The following GRM4 variants were observed in gnomAD, a reference collection of about 807,000 sequenced individuals.
GRM4 encodes glutamate metabotropic receptor 4.
Under a neutral mutation model 81.7 loss-of-function variants are expected in GRM4, and 28 were observed. That is an observed-to-expected ratio of 0.34 (90% CI 0.25 to 0.47). The LOEUF (loss-of-function observed/expected upper bound fraction) is 0.47, where lower values mean the gene tolerates loss of function less well. Ranked by LOEUF, GRM4 falls within the 20% of genes least tolerant of loss-of-function variation. The pLI is 1.00. For synonymous variants in GRM4, 488 were observed against 528.8 expected (o/e 0.92, Z 1.06); for missense variants, 948 against 1,290.0 (o/e 0.73, Z 4.06).
intron 2 of GRM4, among the ~76,000 whole-genome samples, chr6:34,117,305 C>T (rs1205450876): frequency 1.3e-5 from 2 of 152,084 alleles, no homozygotes; most frequent in African/African-American, 2.4e-5. Context: ...ATGGCAGGGC[C>T]GGAGGGAGGG....
intron 1 of GRM4, among the ~76,000 whole-genome samples, chr6:34,143,711 G>T (rs943500179): frequency 2.6e-5 from 4 of 152,248 alleles, no homozygotes; most frequent in Admixed American, 1.3e-4. Flanking sequence ...AGTGTGGGCA[G>T]ATGGGTATGA....
In GRM4 at chr6:34,069,838, G is replaced by C. The variant is rs1766711154; in HGVS notation, c.737-7810C>G. On this transcript the variant is annotated intron_variant, in intron 3 of 10. Transcript: ENST00000538487. This position sits in a 1 kb window ranked among gnomAD's most constrained non-coding sequence, Gnocchi z 6.4. ...CCCCCAACAGGCCTCTGCACATGCT[G>C]CTCCCTCTGCCAGGAGCACCCCCAC... is the stretch of plus-strand genomic sequence containing the variant. Among the ~76,000 whole-genome samples, 1 of 152,110 alleles carries C rather than the reference G, an allele frequency of 6.6e-6. No individual in the cohort carries two copies. Among genetic ancestry groups the C allele is most frequent in the Non-Finnish European group, 1.5e-5 (1 of 68,018 alleles).
At chr6:34,056,448 A>G (rs1765888009) in intron 6 of GRM4, 96 bp downstream of exon 6, 3 of 1,157,926 alleles carry the variant, frequency 2.6e-6, no homozygotes, top group African/African-American at 1.5e-5. Flanking sequence ...CCGGCCGACG[A>G]CAGACAAAGG....
At chr6:34,086,729 G>A (rs548169377) in intron 3 of GRM4, among the ~76,000 whole-genome samples, 1 of 152,344 alleles carries the variant, frequency 6.6e-6, no homozygotes, top group South Asian at 2.1e-4. Context: ...CTAGCTGTGT[G>A]GCCTCATGGG....
At chr6:34,100,139 C>T (rs1561812511) in intron 2 of GRM4, 1 of 652,352 alleles carries the variant, frequency 1.5e-6, no homozygotes, top group Non-Finnish European at 1.9e-6. Flanking sequence ...GCCTGTGCTC[C>T]AGTGCAATTG....
At chr6:34,062,392 G>A (rs984771374) in intron 3 of GRM4, 1 of 218,558 alleles carries the variant, frequency 4.6e-6, no homozygotes, top group African/African-American at 2.3e-5. Context: ...GGACCTCTCT[G>A]TGATGAACAT....
intron 3 of GRM4, among the ~76,000 whole-genome samples, chr6:34,082,246 C>T (rs761495113): frequency 6.6e-6 from 1 of 152,116 alleles, no homozygotes; most frequent in African/African-American, 2.4e-5. Flanking sequence ...AATGGGATTC[C>T]AGTTTAGAGA....
chr6:34,041,407 G>A (rs1765014852), intron 6 of GRM4, among the ~76,000 whole-genome samples: 1 of 152,176 alleles, frequency 6.6e-6, no homozygotes, highest in Non-Finnish European at 1.5e-5. Flanking sequence ...GCAAGGATAA[G>A]TGAACTTTGC....
chr6:34,114,550 G>A lies in GRM4; in HGVS notation c.519+18428C>T, dbSNP rs115764965. On this transcript the variant is annotated intron_variant, in intron 2 of 10. Transcript: ENST00000538487. This position sits in a 1 kb window ranked among gnomAD's most constrained non-coding sequence, Gnocchi z 4.3. Reference sequence around the variant, plus strand: ...GATCAAGTCCACCTTCTTGACCTAAGCCCCCCAATTTCCTCCAGCCCCTCT... The same window carrying A: ...GATCAAGTCCACCTTCTTGACCTAAACCCCCCAATTTCCTCCAGCCCCTCT... 1.1e-3 allele frequency among the ~76,000 whole-genome samples: 171 copies of A among 151,988 alleles called. No individual in the cohort carries two copies. Among genetic ancestry groups the A allele is most frequent in the African/African-American group, 3.8e-3 (157 of 41,406 alleles).
intron 2 of GRM4, among the ~76,000 whole-genome samples, chr6:34,122,617 G>C (rs1255612797): frequency 6.8e-6 from 1 of 147,832 alleles, no homozygotes; most frequent in African/African-American, 2.5e-5. Context: ...CGGTGGGCGG[G>C]GGGTGGGGGG....
intron 2 of GRM4, among the ~76,000 whole-genome samples, chr6:34,123,636 C>T (rs1027946071): frequency 1.3e-5 from 2 of 152,240 alleles, no homozygotes; most frequent in African/African-American, 4.8e-5. Flanking sequence ...GTCTACACGC[C>T]AGGCACTGCC....
intron 1 of GRM4, among the ~76,000 whole-genome samples, chr6:34,134,480 G>A (rs1770373063): frequency 6.6e-6 from 1 of 152,106 alleles, no homozygotes; most frequent in Non-Finnish European, 1.5e-5. Flanking sequence ...TCACTCTGAA[G>A]GCCAAGGGAA....
intron 2 of GRM4, among the ~76,000 whole-genome samples, chr6:34,097,122 T>C (rs1381198501): frequency 1.3e-5 from 2 of 152,088 alleles, no homozygotes; most frequent in Non-Finnish European, 2.9e-5. Flanking sequence ...CCAATCTAGA[T>C]GGAGGCAGGT....
chr6:34,141,533 A>G (rs1770691059), intron 1 of GRM4, among the ~76,000 whole-genome samples: 2 of 152,348 alleles, frequency 1.3e-5, no homozygotes, highest in South Asian at 4.1e-4. Context: ...CGAGATTGCT[A>G]AATGGTGAGG....
At chr6:34,052,198 C>T (rs574830939) in intron 6 of GRM4, among the ~76,000 whole-genome samples, 19 of 152,322 alleles carry the variant, frequency 1.2e-4, no homozygotes, top group Admixed American at 9.1e-4. Flanking sequence ...ACACACACCC[C>T]GGCTCCCTCT....
At chr6:34,105,364 C>T (rs1322536927) in intron 2 of GRM4, among the ~76,000 whole-genome samples, 1 of 152,050 alleles carries the variant, frequency 6.6e-6, no homozygotes, top group Non-Finnish European at 1.5e-5. Context: ...GGTGACCGGC[C>T]GGGCTGGGGG....
chr6:34,027,019 G>C (rs1581580664), intron 10 of GRM4, among the ~76,000 whole-genome samples: 1 of 152,098 alleles, frequency 6.6e-6, no homozygotes, highest in Non-Finnish European at 1.5e-5. Context: ...CGAACATCCA[G>C]GTAGACATGA....
chr6:34,102,832 C>T (rs1768910124), intron 2 of GRM4, among the ~76,000 whole-genome samples: 1 of 152,234 alleles, frequency 6.6e-6, no homozygotes, highest in Admixed American at 6.5e-5. Context: ...GCACCTTCAG[C>T]CAGTGAGGAA....
upstream of GRM4, among the ~76,000 whole-genome samples, chr6:34,149,801 C>T (rs1013261226): frequency 3.3e-5 from 5 of 152,220 alleles, no homozygotes; most frequent in Non-Finnish European, 7.3e-5. Flanking sequence ...GGAGTAATAA[C>T]TTGACTAAGA....
Sources: allele counts gnomAD v4.1 joint callset (sites outside exome capture counted in the v4.1 genomes callset), GRCh38; gene constraint gnomAD v4.1.1; non-coding constraint Gnocchi (gnomAD v3.1); transcripts MANE v1.5; gene names NCBI Gene and HGNC (gene_info 2026-07-23, HGNC 2026-07-21).